Variants in WWOX observed in about 807,000 individuals in gnomAD.
WWOX encodes WW domain containing oxidoreductase, also known as WW domain-containing oxidoreductase.
In WWOX, 69 loss-of-function variants were observed where a neutral mutation model predicts 46.2. That is an observed-to-expected ratio of 1.49 (90% CI 1.23 to 1.82). The LOEUF is 1.82. Ranked by LOEUF, WWOX falls within the 40% of genes most tolerant of loss-of-function variation. WWOX has a pLI of 0.00. For synonymous variants in WWOX, 359 were observed against 202.6 expected, an observed-to-expected ratio of 1.77 and a Z score of -6.56; for missense variants, 919 against 542.6, an observed-to-expected ratio of 1.69 and a Z score of -6.89.
intron 5 of WWOX, chr16:78,168,278 A>G (rs906278334): frequency 1.3e-5 from 2 of 152,306 alleles, no homozygotes; most frequent in African/African-American, 2.4e-5. Flanking sequence ...CGGGATCGCC[A>G]TGTTCTAGAA....
intron 8 of WWOX, among the ~76,000 whole-genome samples, chr16:78,883,729 A>AAAAAAAG (rs952234469): frequency 6.6e-6 from 1 of 151,514 alleles, no homozygotes; most frequent in Non-Finnish European, 1.5e-5. Context: ...GTCTCAAAAA[A>AAAAAAAG]AAAAAAGAAA....
intron 5 of WWOX, among the ~76,000 whole-genome samples, chr16:78,261,258 G>A (rs1449943023): frequency 7.0e-6 from 1 of 143,304 alleles, no homozygotes; most frequent in Non-Finnish European, 1.5e-5. Flanking sequence ...TTAATGTGTG[G>A]TAAGGTAGAT....
chr16:78,289,243 A>T lies in WWOX; in HGVS notation c.517-97617A>T, dbSNP rs1005501178. The stretch of plus-strand genomic sequence containing the variant: ...AATAAATGAGAGCTAATGATTTTTT[A>T]AGGCGTTTTTAGTGAATTGCCGTGG... On this transcript the variant is annotated intron_variant, in intron 5 of 8. Coordinates refer to ENST00000566780, the MANE Select transcript of WWOX (RefSeq NM_016373.4). Among the ~76,000 whole-genome samples the T allele has an allele frequency of 3.3e-5, 5 of 152,304 alleles. No individual in the cohort carries two copies. The East Asian group carries it at 9.7e-4, about 29-fold the overall frequency.
chr16:78,296,294 T>G (rs1183492868), intron 5 of WWOX, among the ~76,000 whole-genome samples: 1 of 152,016 alleles, frequency 6.6e-6, no homozygotes, highest in Non-Finnish European at 1.5e-5. Flanking sequence ...AATAATACTT[T>G]TTTACATTAA....
At chr16:79,157,647 A>G (rs956848855) in intron 8 of WWOX, among the ~76,000 whole-genome samples, 2 of 152,238 alleles carry the variant, frequency 1.3e-5, no homozygotes, top group African/African-American at 4.8e-5. Context: ...TGCTAAGACC[A>G]GCAGATCAGG....
intron 8 of WWOX, among the ~76,000 whole-genome samples, chr16:78,849,857 A>G (rs1026518626): frequency 3.9e-5 from 6 of 152,112 alleles, no homozygotes; most frequent in African/African-American, 7.2e-5. Context: ...CAGATCACCT[A>G]AGGTTGGGAG....
chr16:79,032,309 A>C (rs1302530122), intron 8 of WWOX, among the ~76,000 whole-genome samples: 3 of 146,280 alleles, frequency 2.1e-5, no homozygotes, highest in Non-Finnish European at 4.5e-5. Flanking sequence ...TGTAGACTCT[A>C]ATATGTAGTC....
chr16:78,782,242 G>T (rs1479233417), intron 8 of WWOX, among the ~76,000 whole-genome samples: 1 of 152,110 alleles, frequency 6.6e-6, no homozygotes, highest in African/African-American at 2.4e-5. Context: ...CTCTGCTCCT[G>T]GCTTCTGTCT....
intron 8 of WWOX, among the ~76,000 whole-genome samples, chr16:78,710,039 C>A (rs1415522933): frequency 6.6e-6 from 1 of 152,048 alleles, no homozygotes. Flanking sequence ...CCGATAGTTG[C>A]CTTTCTTACC....
At chr16:79,107,458 C>CAAAGA (rs1039614676) in intron 8 of WWOX, among the ~76,000 whole-genome samples, 4 of 152,026 alleles carry the variant, frequency 2.6e-5, no homozygotes, top group Non-Finnish European at 5.9e-5. Context: ...ATATCAATAA[C>CAAAGA]AAAGAAAAGA....
At chr16:78,392,419 T>C (rs538933999) in intron 6 of WWOX, among the ~76,000 whole-genome samples, 1 of 152,258 alleles carries the variant, frequency 6.6e-6, no homozygotes, top group South Asian at 2.1e-4. Context: ...TTGTACATTA[T>C]GGTGAGTTGG....
chr16:78,173,473 T>G (rs2035229932), intron 5 of WWOX, among the ~76,000 whole-genome samples: 1 of 151,574 alleles, frequency 6.6e-6, no homozygotes, highest in African/African-American at 2.4e-5. Flanking sequence ...TTTTTTTTTT[T>G]TTAATGTAGA....
intron 8 of WWOX, among the ~76,000 whole-genome samples, chr16:78,808,105 C>A (rs1035416958): frequency 5.3e-5 from 8 of 152,190 alleles, no homozygotes; most frequent in African/African-American, 1.9e-4. Flanking sequence ...AGGGCCTAGG[C>A]CCAAGCAACC....
chr16:78,843,811 T>C (rs1397627825), intron 8 of WWOX, among the ~76,000 whole-genome samples: 1 of 152,234 alleles, frequency 6.6e-6, no homozygotes, highest in African/African-American at 2.4e-5. Context: ...AAGTTTGATT[T>C]ACTAACCTTC....
At chr16:79,069,843 T>G (rs1226061789) in intron 8 of WWOX, among the ~76,000 whole-genome samples, 1 of 152,156 alleles carries the variant, frequency 6.6e-6, no homozygotes, top group African/African-American at 2.4e-5. Context: ...AGATAAGAGC[T>G]CTATGTAAAC....
At chr16:78,758,922 A>G (rs2049723253) in intron 8 of WWOX, among the ~76,000 whole-genome samples, 1 of 151,032 alleles carries the variant, frequency 6.6e-6, no homozygotes, top group Non-Finnish European at 1.5e-5. Context: ...TTGCATTAAA[A>G]AAAACCACAA....
chr16:78,877,942 T>A (rs2044266797), intron 8 of WWOX, among the ~76,000 whole-genome samples: 1 of 152,154 alleles, frequency 6.6e-6, no homozygotes, highest in South Asian at 2.1e-4. Flanking sequence ...GGAAACCAGG[T>A]CTGTTCAATT....
At chr16:78,332,166 C>CT in intron 5 of WWOX, among the ~76,000 whole-genome samples, 1 of 152,276 alleles carries the variant, frequency 6.6e-6, no homozygotes, top group East Asian at 1.9e-4. Context: ...TGGGTTATGT[C>CT]TTTCCCCACC....
chr16:78,188,819 C>T (rs1216907381), intron 5 of WWOX, among the ~76,000 whole-genome samples: 1 of 152,092 alleles, frequency 6.6e-6, no homozygotes. Context: ...TCCCTGGGAT[C>T]ACTGGAAATA....
Sources: gnomAD v4.1 joint callset for allele counts (sites outside exome capture counted in the v4.1 genomes callset) on GRCh38, gnomAD v4.1.1 for gene constraint, MANE v1.5 for transcripts, NCBI Gene and HGNC (gene_info 2026-07-23, HGNC 2026-07-21) for gene names.